Variants in NDST3 observed in about 807,000 individuals in gnomAD.
NDST3 encodes the protein bifunctional heparan sulfate N-deacetylase/N-sulfotransferase 3.
In NDST3, 58 loss-of-function variants were observed where a neutral mutation model predicts 96.1. The ratio of observed to expected loss-of-function variants is 0.60; its 90% CI spans 0.49 to 0.75. The LOEUF is 0.75. Ranked by LOEUF, NDST3 falls within the 30% of genes least tolerant of loss-of-function variation. The pLI is 0.00. For synonymous variants in NDST3, 333 were observed against 359.7 expected (o/e 0.93, Z 0.84); for missense variants, 788 against 1,034.2 (o/e 0.76, Z 3.27).
intron 6 of NDST3, among the ~76,000 whole-genome samples, chr4:118,213,616 T>C (rs2125987974): frequency 6.6e-6 from 1 of 151,448 alleles, no homozygotes; most frequent in South Asian, 2.1e-4. Context: ...TTTAACAATG[T>C]ATAAAATGCT....
intron 4 of NDST3, among the ~76,000 whole-genome samples, chr4:118,136,622 A>G (rs116808511): frequency 5.9e-5 from 9 of 152,234 alleles, no homozygotes; most frequent in African/African-American, 1.9e-4. Context: ...TTTACCTCTC[A>G]CCCTTCAGAA....
chr4:118,114,821 A>T lies in NDST3; in HGVS notation c.1085A>T (p.Asp362Val). Reference protein sequence around the residue: ...KFYHTGTEEEDEGDDCLLGSV... With the variant: ...KFYHTGTEEEVEGDDCLLGSV... The stretch of plus-strand genomic sequence containing the variant: ...CCCCCTAAAGGAACTGAAGAGGAAG[A>T]TGAAGGAGATGACTGTCTGTTGGGG... Residue 362 changes from aspartate (D) to valine (V), a missense_variant, in exon 4 of 14, where the codon GAT (aspartate) becomes GTT (valine). Coordinates refer to ENST00000296499, the MANE Select transcript of NDST3 (RefSeq NM_004784.3). 1 of 1,614,026 alleles carries T rather than the reference A, an allele frequency of 6.2e-7. No homozygotes were observed.
chr4:118,228,406 C>T lies in NDST3; in HGVS notation c.1819+1424C>T, dbSNP rs936384176. On this transcript the variant is annotated intron_variant, in intron 8 of 13. Transcript: ENST00000296499. ...AAGTCCTGCAGGATTCGCTTCCTCT[C>T]GTGTTGTGCTGGATATGCAGACATT... Among the ~76,000 whole-genome samples, 3 of 152,088 alleles carry T rather than the reference C, an allele frequency of 2.0e-5. No homozygotes were observed. In the South Asian group the frequency reaches 6.2e-4, roughly 32 times the overall value.
At chr4:118,238,143 G>GAAA (rs1560738383) in intron 10 of NDST3, among the ~76,000 whole-genome samples, 8 of 133,192 alleles carry the variant, frequency 6.0e-5, no homozygotes, top group Middle Eastern at 3.7e-3. Context: ...GAGAGAGAGA[G>GAAA]AGAAAAGAAA....
intron 6 of NDST3, among the ~76,000 whole-genome samples, chr4:118,177,920 A>C (rs1736373977): frequency 6.6e-6 from 1 of 151,944 alleles, no homozygotes; most frequent in Admixed American, 6.6e-5. Context: ...AAAATCCAGG[A>C]GGGGCTTTAC....
chr4:118,226,836 T>C (rs1427633407), intron 7 of NDST3, 50 bp from the exon 8 acceptor site: 2 of 1,292,968 alleles, frequency 1.5e-6, no homozygotes, highest in Admixed American at 2.0e-5. Flanking sequence ...TGGCACACAA[T>C]GGACACATTC....
intron 1 of NDST3, among the ~76,000 whole-genome samples, chr4:118,052,323 G>A (rs186365796): frequency 2.1e-3 from 325 of 152,130 alleles, no homozygotes; most frequent in Non-Finnish European, 3.7e-3. Flanking sequence ...ACAAGTGGGA[G>A]CTAAACCCTG....
chr4:118,100,305 CT>C (rs1247291280), intron 2 of NDST3, among the ~76,000 whole-genome samples: 1 of 151,944 alleles, frequency 6.6e-6, no homozygotes, highest in Non-Finnish European at 1.5e-5. Flanking sequence ...GGCTTTCAAA[CT>C]GCCACTTATA....
In NDST3 at chr4:118,055,528, T is replaced by C. The variant is rs71608339; in HGVS notation, c.981+637T>C. 1,056 of 152,458 alleles carry C rather than the reference T, an allele frequency of 6.9e-3. 8 individuals carry two copies. Among genetic ancestry groups the C allele is most frequent in the Non-Finnish European group, 0.012 (791 of 68,168 alleles). The allele number at this position is 152,458 out of a possible 1,614,324, so 9.4% of individuals were successfully genotyped here. The stretch of plus-strand genomic sequence containing the variant: ...AATTTAAATTGTATTACATTTCTTA[T>C]TGTGTAAAACTGCTGCCCTTAAACA... On this transcript the variant is annotated intron_variant, in intron 2 of 13. Transcript: ENST00000296499.
At chr4:118,088,476 T>A (rs949527370) in intron 2 of NDST3, among the ~76,000 whole-genome samples, 1 of 151,966 alleles carries the variant, frequency 6.6e-6, no homozygotes, top group African/African-American at 2.4e-5. Context: ...AAATAATGAG[T>A]AGCCAAGGTA....
intron 6 of NDST3, among the ~76,000 whole-genome samples, chr4:118,152,866 C>T (rs1734490279): frequency 6.6e-6 from 1 of 152,218 alleles, no homozygotes; most frequent in Non-Finnish European, 1.5e-5. Context: ...GCCTCGTCCG[C>T]TGGATTCTCA....
chr4:118,079,674 T>C (rs1467327068), intron 2 of NDST3, among the ~76,000 whole-genome samples: 1 of 152,142 alleles, frequency 6.6e-6, no homozygotes, highest in Non-Finnish European at 1.5e-5. Context: ...ATTGGATATC[T>C]TTGGCAAGGG....
intron 6 of NDST3, chr4:118,194,247 TG>T: frequency 1.4e-6 from 1 of 724,940 alleles, no homozygotes; most frequent in Non-Finnish European, 2.5e-6. Context: ...GCAATCTCCA[TG>T]ATAGCACCCT....
chr4:118,230,110 C>T (rs922212910), intron 8 of NDST3, among the ~76,000 whole-genome samples: 3 of 152,122 alleles, frequency 2.0e-5, no homozygotes, highest in African/African-American at 7.2e-5. Context: ...AATCTTGGTC[C>T]TAGAATTTAC....
At chr4:118,208,951 T>C (rs1432058263) in intron 6 of NDST3, among the ~76,000 whole-genome samples, 1 of 114,262 alleles carries the variant, frequency 8.8e-6, no homozygotes, top group Non-Finnish European at 2.0e-5. Flanking sequence ...GAATTCAGCC[T>C]TATGAGCAAA....
rs1433973736 is a variant in NDST3 at position 118,054,632 on chromosome 4, C to T, written c.722C>T (p.Pro241Leu). The change falls in exon 2 of 14, where the codon CCA (proline) becomes CTA (leucine). Residue 241 changes from proline (P) to leucine (L), a missense_variant. This residue lies in a region of NDST3 where 490 missense variants were observed against 708.8 expected (regional missense o/e 0.69). Coordinates refer to ENST00000296499, the MANE Select transcript of NDST3 (RefSeq NM_004784.3). The part of the protein sequence containing the change: ...QPVIFAKVKT[P>L]ENLSPSISKG... ...GTAATATTTGCCAAAGTAAAGACCC[C>T]AGAAAACCTTTCTCCTTCCATCTCT... 6.2e-7 allele frequency: 1 copy of T among 1,613,218 alleles called. No individual in the cohort carries two copies. The highest frequency in any genetic ancestry group is 2.2e-5 in the East Asian group (1 of 44,844).
At chr4:118,178,346 C>T (rs947076295) in intron 6 of NDST3, among the ~76,000 whole-genome samples, 3 of 151,922 alleles carry the variant, frequency 2.0e-5, no homozygotes, top group Admixed American at 6.6e-5. Flanking sequence ...TTCCTCCTGC[C>T]CCGAATCCTT....
At chr4:118,173,326 T>C (rs1197090627) in intron 6 of NDST3, among the ~76,000 whole-genome samples, 1 of 152,164 alleles carries the variant, frequency 6.6e-6, no homozygotes, top group African/African-American at 2.4e-5. Flanking sequence ...TTCTTTCCAC[T>C]GTCATTGTGC....
At chr4:118,132,679 T>C (rs1357517881) in intron 4 of NDST3, among the ~76,000 whole-genome samples, 2 of 152,124 alleles carry the variant, frequency 1.3e-5, no homozygotes, top group Non-Finnish European at 2.9e-5. Flanking sequence ...GGGTCACACA[T>C]GTAGTAAGTG....
Sources: gnomAD v4.1 joint callset for allele counts (sites outside exome capture counted in the v4.1 genomes callset) on GRCh38, gnomAD v4.1.1 for gene constraint, gnomAD v4.1.1 regional missense constraint, MANE v1.5 for transcripts, NCBI Gene and HGNC (gene_info 2026-07-23, HGNC 2026-07-21) for gene names.